Variants in CENPC observed in about 807,000 individuals in gnomAD.
The protein encoded by CENPC is centromere protein C.
CENPC carries 63 observed loss-of-function variants against 112.1 expected under a neutral mutation model. The observed-to-expected ratio is 0.56, with a 90% CI of 0.46 to 0.69. CENPC has a LOEUF of 0.69. Among genes scored for constraint, CENPC ranks in the 30% least tolerant of loss-of-function variants. CENPC has a pLI of 0.00. For missense variants in CENPC, 1,000 were observed against 1,103.8 expected, an observed-to-expected ratio of 0.91 and a Z score of 1.33; for synonymous variants, 333 against 367.6, an observed-to-expected ratio of 0.91 and a Z score of 1.08.
intron 18 of CENPC, among the ~76,000 whole-genome samples, chr4:67,474,441 C>T (rs1440583200): frequency 6.6e-6 from 1 of 152,142 alleles, no homozygotes; most frequent in Non-Finnish European, 1.5e-5. Flanking sequence ...CTGTGGCTCA[C>T]ACCTGTAATC....
At chr4:67,491,859 A>G (rs908484662) in intron 16 of CENPC, among the ~76,000 whole-genome samples, 3 of 152,108 alleles carry the variant, frequency 2.0e-5, no homozygotes, top group Non-Finnish European at 4.4e-5. Context: ...ACAATTCCCC[A>G]TAAACAGCCT....
intron 18 of CENPC, 66 bp from the exon 19 acceptor site, chr4:67,472,741 G>A (rs1724701424): frequency 3.6e-6 from 5 of 1,371,916 alleles, no homozygotes; most frequent in Non-Finnish European, 1.9e-6. Flanking sequence ...GATTAAGTAT[G>A]TAGTCATCAC....
chr4:67,530,839 G>T lies in CENPC; in HGVS notation c.307C>A (p.Pro103Thr). The change falls in exon 5 of 19, where the codon CCA becomes ACA. Residue 103 changes from proline to threonine, a missense_variant. Physicochemically the swap from Pro to Thr is conservative, Grantham distance 38 (BLOSUM62 -1). Transcript: ENST00000273853. ...CCTGATCTGTTTGTGGCTTCACTTGGTTCTACAACAAACTGTAGAGAGGCT... is the reference window on the plus strand; with the variant it reads ...CCTGATCTGTTTGTGGCTTCACTTGTTTCTACAACAAACTGTAGAGAGGCT... ...KEASLQFVVE[P>T]SEATNRSVQA... The T allele has an allele frequency of 6.3e-7, 1 of 1,599,908 alleles. No individual in the cohort carries two copies. The highest frequency in any genetic ancestry group is 2.3e-5 in the East Asian group (1 of 44,422).
At chr4:67,492,032 G>C in intron 16 of CENPC, 148 bp downstream of exon 16, 2 of 547,456 alleles carry the variant, frequency 3.7e-6, no homozygotes, top group East Asian at 6.0e-5. Flanking sequence ...TCTTCACATA[G>C]GTTGCTCGTT....
chr4:67,545,095 A>G (rs1457918605), intron 1 of CENPC, among the ~76,000 whole-genome samples: 1 of 152,186 alleles, frequency 6.6e-6, no homozygotes, highest in Non-Finnish European at 1.5e-5. Context: ...GCACCTCTCA[A>G]GAGTAAGACG....
intron 16 of CENPC, among the ~76,000 whole-genome samples, chr4:67,491,275 G>A (rs1725250325): frequency 6.7e-6 from 1 of 150,086 alleles, no homozygotes; most frequent in African/African-American, 2.4e-5. Flanking sequence ...CCAGACTCAA[G>A]CAATTCTCCT....
At chr4:67,492,516 T>C (rs1725311917) in intron 15 of CENPC, among the ~76,000 whole-genome samples, 1 of 152,168 alleles carries the variant, frequency 6.6e-6, no homozygotes, top group African/African-American at 2.4e-5. Context: ...TGTAAACTCT[T>C]GCATTATCAA....
At chr4:67,496,989 G>A (rs115340409) in intron 12 of CENPC, among the ~76,000 whole-genome samples, 1,669 of 149,206 alleles carry the variant, frequency 0.011, 27 homozygotes, top group African/African-American at 0.039. Flanking sequence ...ACTGGGCCTC[G>A]GAGGCAGTGT....
chr4:67,540,718 G>A (rs984685562), intron 3 of CENPC, among the ~76,000 whole-genome samples: 15 of 152,102 alleles, frequency 9.9e-5, no homozygotes, highest in African/African-American at 3.1e-4. Flanking sequence ...TGATAATTAT[G>A]TATGGACTTC....
chr4:67,495,089 G>A lies in CENPC; in HGVS notation c.2185+70C>T, dbSNP rs935868859. The A allele has an allele frequency of 1.1e-5, 15 of 1,326,068 alleles. No individual in the cohort carries two copies. In the African/African-American group the frequency reaches 2.0e-4, roughly 18 times the overall value. 82.1% of individuals were successfully genotyped at this position (1,326,068 alleles called of 1,614,324 possible). A position where few individuals can be genotyped will look rare whatever the true frequency, so the allele number is the denominator to read the frequency against. ...ATTTCTCCTGCTTAAGAAGAAATAA[G>A]TTATATTTAGAAACAGAAACTTAAG... On this transcript the variant is annotated intron_variant, in intron 13 of 18. Coordinates refer to ENST00000273853, the MANE Select transcript of CENPC (RefSeq NM_001812.4).
Position 67,501,598 on chromosome 4 carries a change from G to T in CENPC, c.2131+3607C>A, listed in dbSNP as rs575902288. On this transcript the variant is annotated intron_variant, in intron 12 of 18. Coordinates refer to ENST00000273853, the MANE Select transcript of CENPC (RefSeq NM_001812.4). Reference sequence around the variant, plus strand: ...GAAGAAACTCTGAGATCCAGGACTGGATCCTGAGCTAGAAGGGAAAAGGAA... The same window carrying T: ...GAAGAAACTCTGAGATCCAGGACTGTATCCTGAGCTAGAAGGGAAAAGGAA... 1.9e-4 allele frequency among the ~76,000 whole-genome samples: 29 copies of T among 152,300 alleles called. 1 individual carries two copies. Among genetic ancestry groups the T allele is most frequent in the Middle Eastern group, 3.4e-3 (1 of 294 alleles).
At chr4:67,491,452 T>G (rs1275678699) in intron 16 of CENPC, among the ~76,000 whole-genome samples, 411 of 28,206 alleles carry the variant, frequency 0.015, 6 homozygotes, top group South Asian at 0.045. Flanking sequence ...ATTTCATATA[T>G]ATATATATAT....
intron 4 of CENPC, 43 bp from the exon 5 acceptor site, chr4:67,530,957 T>G: frequency 2.1e-6 from 2 of 970,008 alleles, no homozygotes; most frequent in Non-Finnish European, 3.1e-6. Flanking sequence ...TTTTATTAAC[T>G]TACCAATTCA....
intron 17 of CENPC, among the ~76,000 whole-genome samples, chr4:67,483,236 T>A (rs920034685): frequency 6.6e-5 from 10 of 152,088 alleles, no homozygotes; most frequent in African/African-American, 2.4e-4. Context: ...ATACATCCTG[T>A]AATCCCAGCT....
intron 5 of CENPC, among the ~76,000 whole-genome samples, chr4:67,521,588 A>AT (rs1225602995): frequency 2.0e-5 from 3 of 152,212 alleles, no homozygotes; most frequent in African/African-American, 7.2e-5. Context: ...GCTAGTGTGA[A>AT]TGTAGAATGA....
intron 12 of CENPC, 60 bp from the exon 13 acceptor site, chr4:67,495,272 A>C: frequency 1.9e-5 from 26 of 1,386,248 alleles, no homozygotes; most frequent in Non-Finnish European, 2.4e-5. Context: ...TTAAATTAAA[A>C]TGTGTTTCCT....
chr4:67,472,566 T>C lies in CENPC; in HGVS notation c.*39A>G, dbSNP rs149259908. ...AACTATACAAACTGTTTTTCACATA[T>C]ACATATATACATACATATATTTAAG... On this transcript the variant is annotated 3_prime_UTR_variant, in exon 19 of 19. Transcript: ENST00000273853. 278 of 1,372,450 alleles carry C rather than the reference T, an allele frequency of 2.0e-4. 2 individuals carry two copies. In the East Asian group the frequency reaches 6.9e-3, roughly 34 times the overall value. The allele number at this position is 1,372,450 out of a possible 1,614,324, so 85.0% of individuals were successfully genotyped here.
At chr4:67,525,580 T>C (rs892943950) in intron 5 of CENPC, among the ~76,000 whole-genome samples, 10 of 152,176 alleles carry the variant, frequency 6.6e-5, no homozygotes, top group African/African-American at 2.4e-4. Flanking sequence ...AAGCTCATCA[T>C]CACTGGTCAT....
intron 17 of CENPC, among the ~76,000 whole-genome samples, chr4:67,489,521 T>C (rs1413466948): frequency 6.6e-6 from 1 of 152,058 alleles, no homozygotes; most frequent in East Asian, 1.9e-4. Context: ...AAATTTTACA[T>C]GGTACATGTC....
Sources: allele counts gnomAD v4.1 joint callset (sites outside exome capture counted in the v4.1 genomes callset), GRCh38; gene constraint gnomAD v4.1.1; transcripts MANE v1.5; gene names NCBI Gene and HGNC (gene_info 2026-07-23, HGNC 2026-07-21).